The following PRKACA variants were observed in gnomAD, a reference collection of about 807,000 sequenced individuals.
PRKACA encodes the protein protein kinase cAMP-activated catalytic subunit alpha.
Under a neutral mutation model 45.8 loss-of-function variants are expected in PRKACA, and 9 were observed. That is an observed-to-expected ratio of 0.20 (90% confidence interval 0.12 to 0.34). The LOEUF (loss-of-function observed/expected upper bound fraction) is 0.34, where lower values mean the gene tolerates loss of function less well. Ranked by LOEUF, PRKACA falls within the 10% of genes least tolerant of loss-of-function variation. PRKACA has a pLI of 1.00. For synonymous variants in PRKACA, 160 were observed against 178.6 expected, an observed-to-expected ratio of 0.90 and a Z score of 0.83; for missense variants, 238 against 458.6, an observed-to-expected ratio of 0.52 and a Z score of 4.39.
At chr19:14,106,956 GCA>G in intron 2 of PRKACA, 68 bp from the exon 3 acceptor site, 2 of 1,582,640 alleles carry the variant, frequency 1.3e-6, no homozygotes, top group Non-Finnish European at 1.7e-6. Context: ...AAGGTCTGGG[GCA>G]TCCCCTCTGC....
intron 1 of PRKACA, chr19:14,114,003 T>C: frequency 8.2e-6 from 9 of 1,095,180 alleles, no homozygotes; most frequent in Non-Finnish European, 1.1e-5. Flanking sequence ...ACAGGAGGCG[T>C]TTCCAGGGCC....
intron 8 of PRKACA, among the ~76,000 whole-genome samples, chr19:14,095,758 C>T (rs1282912698): frequency 6.6e-6 from 1 of 152,014 alleles, no homozygotes; most frequent in African/African-American, 2.4e-5. Flanking sequence ...CCTCGTGATC[C>T]ACCTGCCTTG....
At chr19:14,107,262 A>T in intron 2 of PRKACA, 86 bp downstream of exon 2, 1 of 1,402,752 alleles carries the variant, frequency 7.1e-7, no homozygotes, top group Non-Finnish European at 9.9e-7. Context: ...GGGGTTTCTG[A>T]AATTCTAGCT....
At chr19:14,093,305 G>T in intron 9 of PRKACA, 68 bp from the exon 10 acceptor site, 2 of 1,561,966 alleles carry the variant, frequency 1.3e-6, no homozygotes, top group Non-Finnish European at 1.7e-6. Context: ...CAATAAATGC[G>T]AATGGCCTAA....
At chr19:14,116,888 G>A (rs1967118330) in intron 1 of PRKACA, among the ~76,000 whole-genome samples, 1 of 151,866 alleles carries the variant, frequency 6.6e-6, no homozygotes, top group African/African-American at 2.4e-5. Flanking sequence ...TGTCCCCCAT[G>A]CCAAGTGACA....
chr19:14,114,049 G>GC, intron 1 of PRKACA: 1 of 1,455,124 alleles, frequency 6.9e-7, no homozygotes, highest in Non-Finnish European at 9.5e-7. Flanking sequence ...CTTCGCCTGT[G>GC]CCCCAGACCC....
At chr19:14,114,555 C>G (rs1043678422) in intron 1 of PRKACA, among the ~76,000 whole-genome samples, 1 of 151,904 alleles carries the variant, frequency 6.6e-6, no homozygotes, top group African/African-American at 2.4e-5. Context: ...GGATCGGGGG[C>G]TCCCTTTTAC....
At chr19:14,113,986 G>T in intron 1 of PRKACA, 1 of 867,300 alleles carries the variant, frequency 1.2e-6, no homozygotes, top group Non-Finnish European at 1.9e-6. Context: ...GCACAGCCCG[G>T]GGCTGTACAG....
chr19:14,114,432 G>C (rs557617200), intron 1 of PRKACA, among the ~76,000 whole-genome samples: 1 of 152,238 alleles, frequency 6.6e-6, no homozygotes, highest in African/African-American at 2.4e-5. Flanking sequence ...AGGCACAGAA[G>C]GTGTTTGGCC....
rs183341673 is a variant in PRKACA at position 14,098,451 on chromosome 19, T to C, written c.420-561A>G. On this transcript the variant is annotated intron_variant, in intron 5 of 9. Transcript: ENST00000308677. Reference sequence around the variant, plus strand: ...AGGCAAGACCTCACCTCTGTATGTATGTAGATATGTGTGTGTGTGTGTATA... The same window carrying C: ...AGGCAAGACCTCACCTCTGTATGTACGTAGATATGTGTGTGTGTGTGTATA... 567 of 154,324 alleles carry C rather than the reference T, an allele frequency of 3.7e-3. 5 individuals are homozygous for C. The highest frequency in any genetic ancestry group is 0.013 in the African/African-American group (546 of 41,412). 9.6% of individuals were successfully genotyped at this position (154,324 alleles called of 1,614,324 possible).
In PRKACA at chr19:14,093,043, C is replaced by CGG; in HGVS notation, c.*68_*69insCC. ...GGGGCCCTCTGGCTGTTCAATCCAA[C>CGG]CCTCCCACCCCCCCGACCAAAAAAA... On this transcript the variant is annotated 3_prime_UTR_variant, in exon 10 of 10. Coordinates refer to ENST00000308677, the MANE Select transcript of PRKACA (RefSeq NM_002730.4). 4.4e-5 allele frequency: 5 copies of CGG among 114,302 alleles called. No homozygotes were observed. The highest frequency in any genetic ancestry group is 6.9e-5 in the African/African-American group (1 of 14,420). The allele number at this position is 114,302 out of a possible 1,614,324, so 7.1% of individuals were successfully genotyped here.
intron 1 of PRKACA, chr19:14,114,308 A>T: frequency 1.4e-5 from 14 of 975,980 alleles, no homozygotes; most frequent in Non-Finnish European, 2.0e-5. Context: ...CCCAACCCAG[A>T]GGCCACTGGG....
At chr19:14,114,275 TG>T in intron 1 of PRKACA, 1 of 1,410,348 alleles carries the variant, frequency 7.1e-7, no homozygotes, top group South Asian at 1.2e-5. Context: ...TAGGGAGCCG[TG>T]GGGTGGGAGC....
chr19:14,097,228 G>C lies in PRKACA; in HGVS notation c.765+133C>G. ...GGCCTCAGTGTGGCCGGCGCGTCCA[G>C]CTTCACCACCTGGCCTGACTTAAGG... On this transcript the variant is annotated intron_variant, in intron 8 of 9. Transcript: ENST00000308677. This position sits in a 1 kb window ranked among gnomAD's most constrained non-coding sequence, Gnocchi z 5.4. 6 of 1,442,682 alleles carry C rather than the reference G, an allele frequency of 4.2e-6. No homozygotes were observed. The highest frequency in any genetic ancestry group is 5.7e-6 in the Non-Finnish European group (6 of 1,047,000). The allele number at this position is 1,442,682 out of a possible 1,614,324, so 89.4% of individuals were successfully genotyped here. A position where few individuals can be genotyped will look rare whatever the true frequency, so the allele number is the denominator to read the frequency against.
Position 14,091,702 on chromosome 19 carries a change from A to C in PRKACA, c.*1410T>G, listed in dbSNP as rs1568525547. ...ACCAGCGACACTTTTTTTTTAAACA[A>C]AACTTTATTGGTAATAGTTTTCAAA... On this transcript the variant is annotated 3_prime_UTR_variant, in exon 10 of 10. Coordinates refer to ENST00000308677, the MANE Select transcript of PRKACA (RefSeq NM_002730.4). The C allele has an allele frequency of 6.6e-6, 1 of 152,456 alleles. No individual in the cohort carries two copies. 9.4% of individuals were successfully genotyped at this position (152,456 alleles called of 1,614,324 possible). A position where few individuals can be genotyped will look rare whatever the true frequency, so the allele number is the denominator to read the frequency against.
rs768324869 is a variant in PRKACA at position 14,102,881 on chromosome 19, T to G, written c.271A>C (p.Asn91His). Residue 91 changes from asparagine (N) to histidine (H), a missense_variant, in exon 4 of 10, where the codon AAT (asparagine) becomes CAT (histidine). Transcript: ENST00000308677. ...VKLKQIEHTL[N>H]EKRILQAVNF... ...ACAGCTTGCAGGATGCGCTTTTCAT[T>G]CAGGGTGTGTTCGATCTGTTTCAGT... 6.2e-7 allele frequency: 1 copy of G among 1,614,170 alleles called. No homozygotes were observed. Among genetic ancestry groups the G allele is most frequent in the Admixed American group, 1.7e-5 (1 of 60,016 alleles).
intron 8 of PRKACA, among the ~76,000 whole-genome samples, chr19:14,094,311 C>T (rs1977183977): frequency 6.6e-6 from 1 of 152,110 alleles, no homozygotes; most frequent in Non-Finnish European, 1.5e-5. Context: ...GTCTCAGCCT[C>T]CTGAGTAGCT....
At position 14,097,740 on chromosome 19, in the gene PRKACA, C is replaced by T. The variant is rs756830790; in HGVS notation, c.546+24G>A. On this transcript the variant is annotated intron_variant, in intron 6 of 9. Coordinates refer to ENST00000308677, the MANE Select transcript of PRKACA (RefSeq NM_002730.4). This position sits in a 1 kb window ranked among gnomAD's most constrained non-coding sequence, Gnocchi z 5.4. Reference sequence around the variant, plus strand: ...CCAGGCCACGGCTTCCCCAGGGCTGCCCCTCGCCCGGCCTGGTGGGCACCT... The same window carrying T: ...CCAGGCCACGGCTTCCCCAGGGCTGTCCCTCGCCCGGCCTGGTGGGCACCT... 2.5e-6 allele frequency: 4 copies of T among 1,614,076 alleles called. No individual in the cohort carries two copies. The Admixed American group carries it at 6.7e-5, about 27-fold the overall frequency.
intron 4 of PRKACA, chr19:14,101,359 A>G (rs192838372): frequency 1.7e-5 from 3 of 175,244 alleles, no homozygotes; most frequent in Non-Finnish European, 3.7e-5. Context: ...ACTTGAGCCT[A>G]GGAGTTTGAG....
Sources: allele counts gnomAD v4.1 joint callset (sites outside exome capture counted in the v4.1 genomes callset), GRCh38; gene constraint gnomAD v4.1.1; non-coding constraint Gnocchi (gnomAD v3.1); transcripts MANE v1.5; gene names NCBI Gene and HGNC (gene_info 2026-07-23, HGNC 2026-07-21).